The following CRK variants were observed in gnomAD, a reference collection of about 807,000 sequenced individuals.
CRK encodes the protein CRK proto-oncogene, adaptor protein, also known as adapter molecule crk.
A neutral mutation model predicts 29.8 loss-of-function variants in CRK; 4 were observed. That is an observed-to-expected ratio of 0.13 (90% CI 0.07 to 0.31). CRK has a LOEUF of 0.31. Ranked by LOEUF, CRK falls within the 10% of genes least tolerant of loss-of-function variation. The pLI is 1.00. For missense variants in CRK, 274 were observed against 396.5 expected (o/e 0.69, Z 2.62); for synonymous variants, 153 against 164.9 (o/e 0.93, Z 0.55).
intron 1 of CRK, among the ~76,000 whole-genome samples, chr17:1,442,749 G>A (rs998312219): frequency 1.3e-5 from 2 of 150,836 alleles, no homozygotes; most frequent in Non-Finnish European, 2.9e-5. Flanking sequence ...CTGGGATACA[G>A]GTGTGTGCCA....
At chr17:1,455,034 A>C (rs1314651242) in intron 1 of CRK, among the ~76,000 whole-genome samples, 1 of 152,212 alleles carries the variant, frequency 6.6e-6, no homozygotes, top group Non-Finnish European at 1.5e-5. Context: ...ACAATGTTTA[A>C]GTCCAAGGAA....
chr17:1,455,857 C>T lies in CRK; in HGVS notation c.241+20G>A, dbSNP rs1279892607. On this transcript the variant is annotated intron_variant, in intron 1 of 2. Coordinates refer to ENST00000300574, the MANE Select transcript of CRK (RefSeq NM_016823.4). ...CGGCCCTCACCCCGCCCAGGGCCCG[C>T]CGTCCCGTCAGTCCCTCACCGGGCG... 1.0e-5 allele frequency: 16 copies of T among 1,537,738 alleles called. No homozygotes were observed. The highest frequency in any genetic ancestry group is 1.2e-5 in the Non-Finnish European group (14 of 1,145,374).
intron 1 of CRK, among the ~76,000 whole-genome samples, chr17:1,455,471 G>A (rs1334027135): frequency 1.3e-5 from 2 of 152,178 alleles, no homozygotes; most frequent in Non-Finnish European, 2.9e-5. Context: ...AACGTTTCCA[G>A]CCTAAAAGCC....
chr17:1,454,704 A>G (rs1460943810), intron 1 of CRK, among the ~76,000 whole-genome samples: 2 of 152,166 alleles, frequency 1.3e-5, no homozygotes, highest in Non-Finnish European at 2.9e-5. Flanking sequence ...CCAAGAAGAA[A>G]CTGCTTCGAC....
intron 1 of CRK, among the ~76,000 whole-genome samples, chr17:1,440,027 C>T (rs1230037728): frequency 3.3e-5 from 5 of 151,986 alleles, no homozygotes; most frequent in East Asian, 1.9e-4. Context: ...TGGACAGGCG[C>T]GGTGGCTCAC....
intron 1 of CRK, among the ~76,000 whole-genome samples, chr17:1,444,258 T>C (rs1439360135): frequency 6.6e-6 from 1 of 151,978 alleles, no homozygotes; most frequent in Non-Finnish European, 1.5e-5. Context: ...CTCAGACTCC[T>C]GGGTAGCTGG....
chr17:1,438,695 C>T (rs1171663350), intron 1 of CRK, among the ~76,000 whole-genome samples: 3 of 152,046 alleles, frequency 2.0e-5, no homozygotes, highest in African/African-American at 7.2e-5. Context: ...ATTACAAACG[C>T]TTAAAATTCC....
intron 2 of CRK, among the ~76,000 whole-genome samples, chr17:1,433,457 T>C (rs1192688617): frequency 1.4e-5 from 2 of 146,558 alleles, no homozygotes; most frequent in Non-Finnish European, 3.0e-5. Flanking sequence ...GCAGTTTTCC[T>C]ACCTCAGCCT....
chr17:1,450,232 G>C (rs2074006661), intron 1 of CRK, among the ~76,000 whole-genome samples: 1 of 151,798 alleles, frequency 6.6e-6, no homozygotes, highest in South Asian at 2.1e-4. Context: ...TAAAAAATAA[G>C]GCGCGGTGGC....
At chr17:1,435,978 A>C (rs1326548986) in intron 2 of CRK, among the ~76,000 whole-genome samples, 1 of 152,142 alleles carries the variant, frequency 6.6e-6, no homozygotes, top group Non-Finnish European at 1.5e-5. Context: ...GGCCAGAAGG[A>C]AGTGGGCTGC....
chr17:1,428,177 G>A (rs1206023367), intron 2 of CRK, among the ~76,000 whole-genome samples: 1 of 150,522 alleles, frequency 6.6e-6, no homozygotes, highest in African/African-American at 2.4e-5. Flanking sequence ...GGAGTGCAGT[G>A]GTACGATGCT....
rs28452153 is a variant in CRK, at chr17:1,431,357, A to G, written c.777+5263T>C. ...AATGCAGTTCTTCCTCCAATTCAGAAACAAAGTCAGAACTGTGCTTCCACC... is the reference window on the plus strand; with the variant it reads ...AATGCAGTTCTTCCTCCAATTCAGAGACAAAGTCAGAACTGTGCTTCCACC... On this transcript the variant is annotated intron_variant, in intron 2 of 2. Coordinates refer to ENST00000300574, the MANE Select transcript of CRK (RefSeq NM_016823.4). Among the ~76,000 whole-genome samples, 777 of 152,262 alleles carry G rather than the reference A, an allele frequency of 5.1e-3. 6 individuals are homozygous for G. Among genetic ancestry groups the G allele is most frequent in the African/African-American group, 0.018 (750 of 41,528 alleles).
At chr17:1,454,809 C>T (rs187961657) in intron 1 of CRK, among the ~76,000 whole-genome samples, 14 of 152,296 alleles carry the variant, frequency 9.2e-5, no homozygotes, top group Admixed American at 5.2e-4. Context: ...TCACAAATCT[C>T]CAGTACTAAG....
intron 2 of CRK, among the ~76,000 whole-genome samples, chr17:1,429,402 G>A (rs995314140): frequency 5.3e-5 from 8 of 151,766 alleles, no homozygotes; most frequent in Admixed American, 4.6e-4. Flanking sequence ...GGCTCCCAAG[G>A]ACCTGGGATT....
At chr17:1,443,603 G>C (rs1243050313) in intron 1 of CRK, among the ~76,000 whole-genome samples, 1 of 150,240 alleles carries the variant, frequency 6.7e-6, no homozygotes, top group Non-Finnish European at 1.5e-5. Context: ...GTTTCACCAT[G>C]TTAGCCAGGA....
intron 2 of CRK, among the ~76,000 whole-genome samples, chr17:1,432,543 G>A (rs1393692107): frequency 2.0e-5 from 3 of 150,158 alleles, no homozygotes; most frequent in Non-Finnish European, 3.0e-5. Context: ...TTTGGGAGGC[G>A]AAGGCAGGTG....
intron 1 of CRK, among the ~76,000 whole-genome samples, chr17:1,442,697 C>T (rs937934427): frequency 1.3e-5 from 2 of 148,846 alleles, no homozygotes; most frequent in Admixed American, 1.3e-4. Context: ...AACCTCCACC[C>T]TCTGTGTTCA....
At chr17:1,428,656 T>G (rs1206846381) in intron 2 of CRK, among the ~76,000 whole-genome samples, 1 of 150,806 alleles carries the variant, frequency 6.6e-6, no homozygotes, top group Non-Finnish European at 1.5e-5. Flanking sequence ...CCTGAGTAGC[T>G]GGGACTACAG....
At chr17:1,430,302 C>T (rs1275045685) in intron 2 of CRK, among the ~76,000 whole-genome samples, 2 of 151,060 alleles carry the variant, frequency 1.3e-5, no homozygotes, top group Non-Finnish European at 2.9e-5. Context: ...CCCACCTCGA[C>T]CTCCCAAAGT....
Sources: gnomAD v4.1 joint callset for allele counts (sites outside exome capture counted in the v4.1 genomes callset) on GRCh38, gnomAD v4.1.1 for gene constraint, MANE v1.5 for transcripts, NCBI Gene and HGNC (gene_info 2026-07-23, HGNC 2026-07-21) for gene names.